Variants in PTPRD observed in about 807,000 individuals in gnomAD.
PTPRD encodes the protein protein tyrosine phosphatase receptor type D.
In PTPRD, 34 loss-of-function variants were observed where a neutral mutation model predicts 214.5. The observed-to-expected ratio is 0.16, with a 90% CI of 0.12 to 0.21. The LOEUF is 0.21. Among genes scored for constraint, PTPRD ranks in the 10% least tolerant of loss-of-function variants. The probability of loss-of-function intolerance (pLI) is 1.00; values close to 1 mark genes in which losing one functional copy is unlikely to be tolerated. For synonymous variants in PTPRD, 1,128 were observed against 845.7 expected (o/e 1.33, Z -5.79); for missense variants, 2,545 against 2,398.7 (o/e 1.06, Z -1.27).
chr9:8,573,317 T>G (rs917730789), intron 14 of PTPRD, among the ~76,000 whole-genome samples: 1 of 152,058 alleles, frequency 6.6e-6, no homozygotes, highest in Admixed American at 6.6e-5. Flanking sequence ...ATTTCCAGTA[T>G]GTATTTAATA....
chr9:9,248,534 A>C (rs2099974042), intron 9 of PTPRD, among the ~76,000 whole-genome samples: 1 of 152,138 alleles, frequency 6.6e-6, no homozygotes, highest in South Asian at 2.1e-4. Flanking sequence ...GATATGAATT[A>C]GCACCCATCT....
chr9:8,654,606 T>C (rs1010955847), intron 12 of PTPRD, among the ~76,000 whole-genome samples: 2 of 152,158 alleles, frequency 1.3e-5, no homozygotes, highest in African/African-American at 4.8e-5. Flanking sequence ...GTAAAAAAGA[T>C]ACATACAAAG....
intron 3 of PTPRD, among the ~76,000 whole-genome samples, chr9:10,316,427 T>C (rs1052242245): frequency 2.6e-4 from 39 of 151,800 alleles, no homozygotes; most frequent in African/African-American, 9.4e-4. Flanking sequence ...CAACTCAGAA[T>C]AGTCCTTGCA....
chr9:8,735,336 G>C (rs2154436735), intron 11 of PTPRD, among the ~76,000 whole-genome samples: 1 of 151,504 alleles, frequency 6.6e-6, no homozygotes, highest in South Asian at 2.1e-4. Flanking sequence ...TAGAGGCAAG[G>C]TTTCACCATG....
At chr9:9,631,867 T>G (rs563112796) in intron 7 of PTPRD, among the ~76,000 whole-genome samples, 1 of 152,184 alleles carries the variant, frequency 6.6e-6, no homozygotes, top group African/African-American at 2.4e-5. Flanking sequence ...TATTAGAAAA[T>G]ATAAGTAATT....
chr9:8,392,419 G>C (rs984312861), intron 36 of PTPRD, among the ~76,000 whole-genome samples: 1 of 152,138 alleles, frequency 6.6e-6, no homozygotes, highest in Middle Eastern at 3.4e-3. Context: ...CCAGCTACCT[G>C]GGAGCCTGAG....
chr9:8,517,939 G>A lies in PTPRD; in HGVS notation c.1452C>T (p.Pro484=), dbSNP rs2138471850. ...GGACTTTGACAGAATATGTTTTCTG[G>A]GGCACTAAGTTGCCAATAGTAGTGA... ...SQITTIGNLV[P]QKTYSVKVLA... is the part of the protein sequence containing the mutation. Residue 484 remains proline (P), a synonymous_variant, in exon 21 of 46, where the codon CCC becomes CCT. Coordinates refer to ENST00000381196, the MANE Select transcript of PTPRD (RefSeq NM_002839.4). 1 of 1,614,072 alleles carries A rather than the reference G, an allele frequency of 6.2e-7. No homozygotes were observed. The highest frequency in any genetic ancestry group is 1.1e-5 in the South Asian group (1 of 91,072).
chr9:8,900,238 T>A (rs10977344), intron 11 of PTPRD, among the ~76,000 whole-genome samples: 51,785 of 152,104 alleles, frequency 0.34, 10,416 homozygotes, highest in Non-Finnish European at 0.45. Flanking sequence ...AATACAAATA[T>A]CCCTTTTAAT....
chr9:10,300,706 C>A (rs191621105), intron 3 of PTPRD, among the ~76,000 whole-genome samples: 14 of 152,230 alleles, frequency 9.2e-5, no homozygotes, highest in African/African-American at 3.4e-4. Context: ...AGCCAGACTG[C>A]CTCTCTAGAT....
intron 14 of PTPRD, among the ~76,000 whole-genome samples, chr9:8,537,351 C>T (rs1278415138): frequency 1.3e-5 from 2 of 151,774 alleles, no homozygotes; most frequent in African/African-American, 4.8e-5. Context: ...GAAAAAAAAA[C>T]TGACAGTTAA....
intron 3 of PTPRD, among the ~76,000 whole-genome samples, chr9:10,072,282 T>A (rs1014584504): frequency 2.6e-5 from 4 of 152,042 alleles, no homozygotes; most frequent in African/African-American, 9.7e-5. Context: ...TCACTACATA[T>A]CTAGCAGAGT....
chr9:8,477,190 C>T (rs547782353), intron 30 of PTPRD, among the ~76,000 whole-genome samples: 8 of 151,952 alleles, frequency 5.3e-5, no homozygotes, highest in Admixed American at 3.3e-4. Flanking sequence ...CAATATTCTG[C>T]TTTGCCCGTC....
intron 10 of PTPRD, among the ~76,000 whole-genome samples, chr9:9,152,117 G>A (rs1229650435): frequency 1.3e-5 from 2 of 152,160 alleles, no homozygotes; most frequent in African/African-American, 2.4e-5. Context: ...CATTGGGTAC[G>A]AATGAAGAGC....
chr9:8,903,225 C>G (rs1358006842), intron 11 of PTPRD, among the ~76,000 whole-genome samples: 1 of 151,818 alleles, frequency 6.6e-6, no homozygotes, highest in African/African-American at 2.4e-5. Context: ...CTGCATGACG[C>G]CGAGGCTTGG....
chr9:8,468,423 C>T (rs2096586279), intron 31 of PTPRD, among the ~76,000 whole-genome samples: 1 of 151,956 alleles, frequency 6.6e-6, no homozygotes, highest in Admixed American at 6.6e-5. Flanking sequence ...GGGAGTCATT[C>T]TGCCCCAAAT....
intron 34 of PTPRD, 24 bp downstream of exon 34, chr9:8,449,701 G>C (rs2095862603): frequency 3.8e-6 from 6 of 1,597,490 alleles, no homozygotes; most frequent in Non-Finnish European, 5.1e-6. Context: ...ACTGTGTGTG[G>C]ATTAGATGTG....
intron 34 of PTPRD, among the ~76,000 whole-genome samples, chr9:8,448,888 C>T (rs2095837042): frequency 1.3e-5 from 2 of 152,174 alleles, no homozygotes. Context: ...ACATTTTAAT[C>T]CCAAAGACTT....
chr9:9,773,782 T>C (rs963706794), intron 5 of PTPRD, among the ~76,000 whole-genome samples: 12 of 152,152 alleles, frequency 7.9e-5, no homozygotes, highest in Non-Finnish European at 1.3e-4. Context: ...AACATCCAAT[T>C]CTTTTATAAA....
chr9:10,517,790 T>C (rs1476282116), intron 2 of PTPRD, among the ~76,000 whole-genome samples: 1 of 152,148 alleles, frequency 6.6e-6, no homozygotes, highest in African/African-American at 2.4e-5. Context: ...ATCTTTTTAA[T>C]AAATATATTT....
Sources: gnomAD v4.1 joint callset for allele counts (sites outside exome capture counted in the v4.1 genomes callset) on GRCh38, gnomAD v4.1.1 for gene constraint, MANE v1.5 for transcripts, NCBI Gene and HGNC (gene_info 2026-07-23, HGNC 2026-07-21) for gene names.